The following LMO7 variants were observed in gnomAD, a reference collection of about 807,000 sequenced individuals.
The protein encoded by LMO7 is LIM domain 7, also known as LIM domain only protein 7.
Under a neutral mutation model 206.5 loss-of-function variants are expected in LMO7, and 120 were observed. That is an observed-to-expected ratio of 0.58 (90% CI 0.50 to 0.68). LMO7 has a LOEUF of 0.68. Ranked by LOEUF, LMO7 falls within the 30% of genes least tolerant of loss-of-function variation. LMO7 has a pLI of 0.00. For synonymous variants in LMO7, 706 were observed against 681.5 expected, an observed-to-expected ratio of 1.04 and a Z score of -0.56; for missense variants, 1,959 against 1,957.9, an observed-to-expected ratio of 1.00 and a Z score of -0.01.
intron 1 of LMO7, among the ~76,000 whole-genome samples, chr13:75,622,567 C>T (rs951128024): frequency 1.3e-5 from 2 of 152,146 alleles, no homozygotes; most frequent in African/African-American, 4.8e-5. Flanking sequence ...CCTTTAAGTA[C>T]TTTAAGAACT....
rs1166660510 is a variant in LMO7, at chr13:75,670,615, TAAG to T, written c.69+33892_69+33894del. 5.9e-5 allele frequency among the ~76,000 whole-genome samples: 9 copies of T among 152,282 alleles called. No homozygotes were observed. The East Asian group carries it at 1.5e-3, about 26-fold the overall frequency. The stretch of plus-strand genomic sequence containing the variant: ...TACAGTAGAAATATGGTATAAAAGA[TAAG>T]AAATGCTACATTTGTATAGGGCACT... On this transcript the variant is annotated intron_variant, in intron 1 of 30. Transcript: ENST00000377534.
At chr13:75,737,621 C>T (rs1377818666) in intron 3 of LMO7, among the ~76,000 whole-genome samples, 10 of 145,730 alleles carry the variant, frequency 6.9e-5, no homozygotes, top group Non-Finnish European at 9.1e-5. Context: ...GGCGTGGTAG[C>T]GGGCGCCTGT....
intron 3 of LMO7, among the ~76,000 whole-genome samples, chr13:75,734,242 C>T (rs181337451): frequency 8.5e-5 from 13 of 152,170 alleles, no homozygotes; most frequent in East Asian, 3.9e-4. Flanking sequence ...GCTACTCAGA[C>T]GGGGTAAGAC....
intron 1 of LMO7, among the ~76,000 whole-genome samples, chr13:75,642,559 T>G (rs1054081536): frequency 1.3e-5 from 2 of 151,740 alleles, no homozygotes; most frequent in Non-Finnish European, 2.9e-5. Context: ...GCCGTAACTG[T>G]GCCACTGCAC....
At chr13:75,681,593 C>T (rs1363498736) in intron 1 of LMO7, among the ~76,000 whole-genome samples, 3 of 151,460 alleles carry the variant, frequency 2.0e-5, no homozygotes, top group African/African-American at 7.3e-5. Context: ...GTAGTCAACT[C>T]TTCTCACTCT....
intron 4 of LMO7, among the ~76,000 whole-genome samples, chr13:75,767,779 G>A (rs986833812): frequency 6.6e-6 from 1 of 152,078 alleles, no homozygotes; most frequent in Non-Finnish European, 1.5e-5. Flanking sequence ...TCTTTGAAGA[G>A]AGCAGAGATT....
intron 3 of LMO7, among the ~76,000 whole-genome samples, chr13:75,729,910 G>C (rs1481159386): frequency 1.3e-5 from 2 of 151,730 alleles, no homozygotes; most frequent in African/African-American, 2.4e-5. Context: ...CTTTGGTTCT[G>C]TTTATATGCT....
Position 75,761,007 on chromosome 13 carries a change from C to A in LMO7, c.286C>A (p.Leu96Ile). 4 of 1,607,900 alleles carry A rather than the reference C, an allele frequency of 2.5e-6. No homozygotes were observed. Among genetic ancestry groups the A allele is most frequent in the Non-Finnish European group, 3.4e-6 (4 of 1,175,476 alleles). ...KEAQLFHPGD[L>I]QDLSNRVTVK... The stretch of plus-strand genomic sequence containing the variant: ...AGCCCAGCTTTTCCATCCTGGAGAT[C>A]TACAGGATTTATCAAATCGAGTCAC... Residue 96 changes from leucine (L) to isoleucine (I), a missense_variant, in exon 4 of 31, where the codon CTA becomes ATA. Leu to Ile is a conservative substitution (Grantham distance 5). Transcript: ENST00000377534.
intron 3 of LMO7, among the ~76,000 whole-genome samples, chr13:75,735,272 G>A (rs1340531603): frequency 1.3e-5 from 2 of 151,936 alleles, no homozygotes; most frequent in African/African-American, 4.8e-5. Context: ...CTCTTCAGGA[G>A]GAGAGGGGAG....
chr13:75,677,510 T>C lies in LMO7; in HGVS notation c.70-35672T>C, dbSNP rs114889822. Among the ~76,000 whole-genome samples the C allele has an allele frequency of 1.3e-3, 197 of 152,282 alleles. 1 individual carries two copies. The highest frequency in any genetic ancestry group is 4.5e-3 in the African/African-American group (187 of 41,554). On this transcript the variant is annotated intron_variant, in intron 1 of 30. Coordinates refer to ENST00000377534, the MANE Select transcript of LMO7 (RefSeq NM_001306080.2). ...TCAGACAAATATATGGAATGACTAATACATGTGAAGTTACATAATCCAGCC... is the reference window on the plus strand; with the variant it reads ...TCAGACAAATATATGGAATGACTAACACATGTGAAGTTACATAATCCAGCC...
intron 1 of LMO7, among the ~76,000 whole-genome samples, chr13:75,710,631 T>C (rs2043023833): frequency 1.3e-5 from 2 of 151,884 alleles, no homozygotes; most frequent in Non-Finnish European, 2.9e-5. Flanking sequence ...ATGCTTGTGA[T>C]TTTTGCACAT....
intron 15 of LMO7, among the ~76,000 whole-genome samples, chr13:75,826,697 C>T (rs2058142818): frequency 6.6e-6 from 1 of 152,126 alleles, no homozygotes; most frequent in African/African-American, 2.4e-5. Context: ...TGTGGACTAT[C>T]ATGATTATAC....
chr13:75,724,782 A>G (rs1488463483), intron 2 of LMO7, among the ~76,000 whole-genome samples: 5 of 152,166 alleles, frequency 3.3e-5, no homozygotes, highest in Non-Finnish European at 7.4e-5. Context: ...TGCCAAGACT[A>G]TATGTGTCTT....
chr13:75,770,650 A>G (rs1054175507), intron 4 of LMO7, among the ~76,000 whole-genome samples: 2 of 152,150 alleles, frequency 1.3e-5, no homozygotes, highest in African/African-American at 4.8e-5. Flanking sequence ...ATGAATAGCA[A>G]CGAGGTTAGG....
intron 3 of LMO7, among the ~76,000 whole-genome samples, chr13:75,734,295 T>C (rs1254585610): frequency 6.6e-6 from 1 of 152,134 alleles, no homozygotes; most frequent in Non-Finnish European, 1.5e-5. Flanking sequence ...TCTGTGGAAA[T>C]AATTTACAAT....
At chr13:75,856,126 G>A (rs139903471) in intron 29 of LMO7, among the ~76,000 whole-genome samples, 3 of 152,262 alleles carry the variant, frequency 2.0e-5, no homozygotes, top group Admixed American at 6.5e-5. Flanking sequence ...CACTGGGAGC[G>A]GCCCACCCCA....
intron 2 of LMO7, among the ~76,000 whole-genome samples, chr13:75,724,382 A>G (rs1013089742): frequency 1.3e-4 from 20 of 152,268 alleles, no homozygotes; most frequent in Non-Finnish European, 2.8e-4. Context: ...GGGATGGAAC[A>G]AGGGAATACA....
intron 1 of LMO7, among the ~76,000 whole-genome samples, chr13:75,699,296 A>G (rs9573620): frequency 0.077 from 11,720 of 152,118 alleles, 1,001 homozygotes; most frequent in African/African-American, 0.21. Flanking sequence ...TGTCTTTTCC[A>G]TCTTAGCACC....
chr13:75,804,227 T>G, intron 7 of LMO7, 62 bp from the exon 8 acceptor site: 1 of 1,544,594 alleles, frequency 6.5e-7, no homozygotes, highest in South Asian at 1.2e-5. Context: ...AGGCGCGCTG[T>G]GTGGGTTTCA....
Sources: allele counts gnomAD v4.1 joint callset (sites outside exome capture counted in the v4.1 genomes callset), GRCh38; gene constraint gnomAD v4.1.1; transcripts MANE v1.5; gene names NCBI Gene and HGNC (gene_info 2026-07-23, HGNC 2026-07-21).